Variants in ELP3 observed in about 807,000 individuals in gnomAD.
ELP3 encodes the protein elongator complex protein 3.
Under a neutral mutation model 74.9 loss-of-function variants are expected in ELP3, and 56 were observed. The observed-to-expected ratio is 0.75, with a 90% CI of 0.60 to 0.93. ELP3 has a LOEUF of 0.93. Ranked by LOEUF, ELP3 falls within the 40% of genes least tolerant of loss-of-function variation. ELP3 has a pLI of 0.00. For synonymous variants in ELP3, 222 were observed against 239.8 expected, an observed-to-expected ratio of 0.93 and a Z score of 0.68; for missense variants, 573 against 686.5, an observed-to-expected ratio of 0.83 and a Z score of 1.85.
At chr8:28,184,961 T>C (rs953966410) in intron 14 of ELP3, among the ~76,000 whole-genome samples, 22 of 149,416 alleles carry the variant, frequency 1.5e-4, no homozygotes, top group Admixed American at 2.0e-4. Flanking sequence ...AGAGCAAAAC[T>C]CCATCTCAAA....
rs1475938703 is a variant in ELP3 at position 28,132,420 on chromosome 8, G to C, written c.906+16G>C. On this transcript the variant is annotated intron_variant, in intron 9 of 14. Transcript: ENST00000256398. ...ACAGTTCACAGTAAGTGTGACTTCA[G>C]CCAGGCGCATTCAGAATGGCTCTGC... The C allele has an allele frequency of 3.1e-6, 5 of 1,613,840 alleles. No individual in the cohort carries two copies. In the Admixed American group the frequency reaches 6.7e-5, roughly 22 times the overall value.
At chr8:28,139,310 A>G (rs770489018) in intron 10 of ELP3, among the ~76,000 whole-genome samples, 9 of 152,056 alleles carry the variant, frequency 5.9e-5, no homozygotes, top group Non-Finnish European at 1.0e-4. Flanking sequence ...TTTTTTTGTT[A>G]TCTTAGAAGT....
In ELP3 at chr8:28,178,419, AC is replaced by A. The variant is rs1240509125; in HGVS notation, c.1568-11229del. Among the ~76,000 whole-genome samples, 8 of 152,122 alleles carry A rather than the reference AC, an allele frequency of 5.3e-5. No individual in the cohort carries two copies. The South Asian group carries it at 1.5e-3, about 28-fold the overall frequency. On this transcript the variant is annotated intron_variant, in intron 14 of 14. Transcript: ENST00000256398. ...TTTCTTCGTAAGTATGTATCCCTTA[AC>A]TACATGGTCTAGTTTTGTTGTTGCA...
chr8:28,093,143 G>A lies in ELP3; in HGVS notation c.-72G>A, dbSNP rs565983636. 1.6e-5 allele frequency: 25 copies of A among 1,592,132 alleles called. No homozygotes were observed. The East Asian group carries it at 5.7e-4, about 36-fold the overall frequency. On this transcript the variant is annotated 5_prime_UTR_variant, in exon 1 of 15. Coordinates refer to ENST00000256398, the MANE Select transcript of ELP3 (RefSeq NM_018091.6). ...CGACAGGCGGGATTGTTTTGTGGCT[G>A]TCAGCTTTCCCCGTGGTCTGAGTTT... is the stretch of plus-strand genomic sequence containing the variant.
intron 2 of ELP3, among the ~76,000 whole-genome samples, chr8:28,098,662 G>C (rs1811351652): frequency 6.6e-6 from 1 of 152,138 alleles, no homozygotes; most frequent in African/African-American, 2.4e-5. Flanking sequence ...CTCTCAGTCT[G>C]GCTTCAACCT....
At chr8:28,157,546 A>T (rs938243393) in intron 11 of ELP3, among the ~76,000 whole-genome samples, 1 of 152,160 alleles carries the variant, frequency 6.6e-6, no homozygotes, top group African/African-American at 2.4e-5. Flanking sequence ...AGTTTTCTAC[A>T]ACTGAATAAT....
intron 7 of ELP3, among the ~76,000 whole-genome samples, chr8:28,126,435 A>G (rs1208793575): frequency 6.6e-6 from 1 of 152,250 alleles, no homozygotes; most frequent in East Asian, 1.9e-4. Context: ...CATACAGAAA[A>G]GCGTAGGATT....
At chr8:28,144,041 G>A (rs992662371) in intron 10 of ELP3, among the ~76,000 whole-genome samples, 3 of 152,012 alleles carry the variant, frequency 2.0e-5, no homozygotes, top group Admixed American at 1.3e-4. Context: ...AGTTTCCCTT[G>A]TAACTGATTA....
rs538647046 is a variant in ELP3 at position 28,116,421 on chromosome 8, G to A, written c.617+3248G>A. On this transcript the variant is annotated intron_variant, in intron 7 of 14. Transcript: ENST00000256398. ...GGGCTTTAGTAATAGAGGAGATGGC[G>A]ACTGCATTGTTACTGCTCGTTCAAA... is the stretch of plus-strand genomic sequence containing the variant. 6.6e-5 allele frequency among the ~76,000 whole-genome samples: 10 copies of A among 152,230 alleles called. No homozygotes were observed. In the South Asian group the frequency reaches 1.2e-3, roughly 19 times the overall value.
At chr8:28,102,308 A>G (rs865928814) in intron 3 of ELP3, among the ~76,000 whole-genome samples, 2 of 152,156 alleles carry the variant, frequency 1.3e-5, no homozygotes, top group Non-Finnish European at 2.9e-5. Flanking sequence ...TTTCCTGTCC[A>G]TGTTAGTTCA....
intron 3 of ELP3, among the ~76,000 whole-genome samples, chr8:28,105,765 T>G (rs181058767): frequency 5.4e-4 from 83 of 152,324 alleles, no homozygotes; most frequent in Non-Finnish European, 1.0e-3. Context: ...TATAGCTACT[T>G]CTCTGATAGT....
chr8:28,129,754 CT>C (rs1812720727), intron 8 of ELP3, 91 bp downstream of exon 8: 1 of 1,456,286 alleles, frequency 6.9e-7, no homozygotes. Context: ...CTTCTGACCA[CT>C]CTTAGGGAAA....
At chr8:28,171,981 T>C (rs933343124) in intron 14 of ELP3, among the ~76,000 whole-genome samples, 2 of 152,176 alleles carry the variant, frequency 1.3e-5, no homozygotes, top group African/African-American at 4.8e-5. Context: ...AGTGAAAGTT[T>C]ATTTCTGGGC....
upstream of ELP3, chr8:28,090,303 C>G: frequency 2.5e-6 from 1 of 404,358 alleles, no homozygotes; most frequent in South Asian, 1.8e-5. Flanking sequence ...CTGTTGCTTC[C>G]TGGTCTGGTG....
chr8:28,093,048 C>T (rs988995993), upstream of ELP3: 17 of 1,130,090 alleles, frequency 1.5e-5, no homozygotes, highest in African/African-American at 2.1e-4. Context: ...AGTTGCAACA[C>T]GGGGCGGGGC....
At chr8:28,093,018 G>T (rs2305452), upstream of ELP3, 5 of 846,258 alleles carry the variant, frequency 5.9e-6, no homozygotes, top group East Asian at 8.0e-5. Context: ...GGGGCCTCAC[G>T]GGCCGCCTGC....
intron 7 of ELP3, among the ~76,000 whole-genome samples, chr8:28,127,531 A>G (rs939141724): frequency 1.3e-5 from 2 of 151,894 alleles, no homozygotes; most frequent in Admixed American, 6.6e-5. Flanking sequence ...TCCATAATAT[A>G]TGAATATTTA....
chr8:28,157,357 C>G (rs1444938634), intron 11 of ELP3, among the ~76,000 whole-genome samples: 3 of 151,638 alleles, frequency 2.0e-5, no homozygotes, highest in Non-Finnish European at 2.9e-5. Flanking sequence ...AATACATTCC[C>G]ATGCTAGCTA....
At chr8:28,137,981 T>C in intron 10 of ELP3, 90 bp downstream of exon 10, 2 of 1,254,414 alleles carry the variant, frequency 1.6e-6, no homozygotes, top group Non-Finnish European at 2.1e-6. Context: ...ATTGAGGGTT[T>C]TGGATTTTTC....
Sources: allele counts gnomAD v4.1 joint callset (sites outside exome capture counted in the v4.1 genomes callset), GRCh38; gene constraint gnomAD v4.1.1; transcripts MANE v1.5; gene names NCBI Gene and HGNC (gene_info 2026-07-23, HGNC 2026-07-21).